ENTREP2: variants seen among roughly 807,000 people sequenced by gnomAD.
ENTREP2 encodes protein ENTREP2.
chr15:29,277,267 A>G, the ENTREP2 span, among the ~76,000 whole-genome samples: 4 of 151,916 alleles, frequency 2.6e-5, no homozygotes, highest in Non-Finnish European at 5.9e-5. Context: ...GCTTGAACCC[A>G]AGAGGCAGAG....
chr15:29,267,088 A>G, the ENTREP2 span: 2 of 152,268 alleles, frequency 1.3e-5, no homozygotes, highest in African/African-American at 4.8e-5. Context: ...GGCCAAACAT[A>G]TTCCACTGAT....
At chr15:29,342,854 C>T in the ENTREP2 span, among the ~76,000 whole-genome samples, 1 of 152,090 alleles carries the variant, frequency 6.6e-6, no homozygotes, top group Non-Finnish European at 1.5e-5. Flanking sequence ...GAACTATTCA[C>T]GATCTGAATT....
At chr15:29,210,074 A>G in the ENTREP2 span, among the ~76,000 whole-genome samples, 1 of 152,140 alleles carries the variant, frequency 6.6e-6, no homozygotes, top group East Asian at 1.9e-4. Flanking sequence ...TCCCAGGGCT[A>G]GCTAATTCCT....
the ENTREP2 span, among the ~76,000 whole-genome samples, chr15:29,275,522 T>G: frequency 1.2e-4 from 19 of 152,230 alleles, no homozygotes; most frequent in Admixed American, 1.2e-3. Context: ...TTTATGTTAA[T>G]GACCTTCATG....
chr15:29,526,973 C>T, the ENTREP2 span, among the ~76,000 whole-genome samples: 4 of 152,180 alleles, frequency 2.6e-5, no homozygotes, highest in African/African-American at 9.7e-5. Flanking sequence ...ACGTGTTTGT[C>T]CATTTGCTCA....
At chr15:29,617,962 C>A in the ENTREP2 span, among the ~76,000 whole-genome samples, 1 of 152,212 alleles carries the variant, frequency 6.6e-6, no homozygotes, top group African/African-American at 2.4e-5. Context: ...CTGCTCTGGA[C>A]TCTCTAACTA....
the ENTREP2 span, among the ~76,000 whole-genome samples, chr15:29,129,850 C>A: frequency 6.6e-6 from 1 of 152,080 alleles, no homozygotes; most frequent in East Asian, 1.9e-4. Context: ...TGCATGAGCA[C>A]CCCCATGCAC....
At chr15:29,669,013 A>G in the ENTREP2 span, among the ~76,000 whole-genome samples, 1 of 152,140 alleles carries the variant, frequency 6.6e-6, no homozygotes, top group African/African-American at 2.4e-5. Flanking sequence ...TCCCGCTCCC[A>G]TAACTACGAC....
At chr15:29,268,176 T>C in the ENTREP2 span, 1 of 152,208 alleles carries the variant, frequency 6.6e-6, no homozygotes, top group Non-Finnish European at 1.5e-5. Context: ...ACAGTATTTA[T>C]TGTAATAACT....
chr15:29,123,047 A>C, the ENTREP2 span: 1 of 380,898 alleles, frequency 2.6e-6, no homozygotes, highest in Admixed American at 4.1e-5. Context: ...GCTCAGTTCA[A>C]GGTGCTGCAC....
chr15:29,371,963 CA>C, the ENTREP2 span, among the ~76,000 whole-genome samples: 2 of 150,448 alleles, frequency 1.3e-5, no homozygotes, highest in Non-Finnish European at 1.5e-5. Flanking sequence ...GAGATACAAT[CA>C]AAGAATTAAT....
chr15:29,199,729 C>T, the ENTREP2 span, among the ~76,000 whole-genome samples: 6 of 152,212 alleles, frequency 3.9e-5, no homozygotes, highest in East Asian at 1.9e-4. Context: ...ATTGAGTAAA[C>T]GTTTTAAATT....
chr15:29,250,030 A>C, the ENTREP2 span, among the ~76,000 whole-genome samples: 1 of 152,150 alleles, frequency 6.6e-6, no homozygotes, highest in Non-Finnish European at 1.5e-5. Context: ...ATCTGCCCCC[A>C]TGATCCAATC....
chr15:29,414,342 A>C, the ENTREP2 span, among the ~76,000 whole-genome samples: 1 of 152,220 alleles, frequency 6.6e-6, no homozygotes, highest in South Asian at 2.1e-4. Context: ...AGGATTAAGA[A>C]ACTCACTCAA....
the ENTREP2 span, among the ~76,000 whole-genome samples, chr15:29,135,219 A>C: frequency 6.6e-6 from 1 of 151,028 alleles, no homozygotes; most frequent in African/African-American, 2.5e-5. This position sits in a 1 kb window ranked among gnomAD's most constrained non-coding sequence, Gnocchi z 7.4. Context: ...CGAGGCCTCC[A>C]GGACCTCCTT....
the ENTREP2 span, among the ~76,000 whole-genome samples, chr15:29,648,800 G>A: frequency 0.021 from 3,191 of 151,956 alleles, 98 homozygotes; most frequent in African/African-American, 0.073. Flanking sequence ...TTATCTGGGC[G>A]TGGTGGCATG....
the ENTREP2 span, among the ~76,000 whole-genome samples, chr15:29,317,409 G>C: frequency 6.6e-6 from 1 of 152,076 alleles, no homozygotes; most frequent in Non-Finnish European, 1.5e-5. Context: ...AAATGTCCTG[G>C]TAAATAGAAT....
chr15:29,526,472 CT>C, the ENTREP2 span, among the ~76,000 whole-genome samples: 87 of 151,230 alleles, frequency 5.8e-4, no homozygotes, highest in Middle Eastern at 3.5e-3. Context: ...AGAGTATTTT[CT>C]TTTTTTCAGA....
At chr15:29,569,199 CCA>C in the ENTREP2 span, among the ~76,000 whole-genome samples, 1 of 152,280 alleles carries the variant, frequency 6.6e-6, no homozygotes, top group South Asian at 2.1e-4. Flanking sequence ...CCAGCTATGA[CCA>C]CACAGTCTGT....
Sources: allele counts gnomAD v4.1 joint callset (sites outside exome capture counted in the v4.1 genomes callset), GRCh38; gene constraint gnomAD v4.1.1; non-coding constraint Gnocchi (gnomAD v3.1); transcripts MANE v1.5; gene names NCBI Gene and HGNC (gene_info 2026-07-23, HGNC 2026-07-21).